Variants in DPP10 observed in about 807,000 individuals in gnomAD.
DPP10 encodes the protein dipeptidyl peptidase like 10.
In DPP10, 33 loss-of-function variants were observed where a neutral mutation model predicts 120.9. The ratio of observed to expected loss-of-function variants is 0.27; its 90% CI spans 0.21 to 0.37. DPP10 has a LOEUF of 0.37. Among genes scored for constraint, DPP10 ranks in the 10% least tolerant of loss-of-function variants. The pLI is 1.00. For synonymous variants in DPP10, 337 were observed against 326.1 expected (o/e 1.03, Z -0.36); for missense variants, 816 against 942.8 (o/e 0.87, Z 1.76).
chr2:114,870,445 T>TAA (rs66515219), intron 1 of DPP10, among the ~76,000 whole-genome samples: 13 of 149,198 alleles, frequency 8.7e-5, no homozygotes, highest in South Asian at 2.1e-4. Flanking sequence ...ATGTGTAGTG[T>TAA]AAAAAAAAAA....
chr2:114,508,031 CT>C (rs1356558159), intron 1 of DPP10, among the ~76,000 whole-genome samples: 1 of 151,970 alleles, frequency 6.6e-6, no homozygotes, highest in African/African-American at 2.4e-5. Context: ...TTCCTTTCCT[CT>C]TTCTTTCCTT....
At chr2:115,805,801 C>T (rs1488376226) in intron 19 of DPP10, among the ~76,000 whole-genome samples, 1 of 152,100 alleles carries the variant, frequency 6.6e-6, no homozygotes, top group African/African-American at 2.4e-5. Context: ...TCTCAAACTC[C>T]TGACCTCAGG....
chr2:115,237,763 A>G (rs1232378541), intron 1 of DPP10, among the ~76,000 whole-genome samples: 2 of 152,232 alleles, frequency 1.3e-5, no homozygotes, highest in South Asian at 4.1e-4. Context: ...CAGCCACAAC[A>G]TTCCCTTGAG....
At chr2:115,512,282 G>A (rs1413049545) in intron 4 of DPP10, among the ~76,000 whole-genome samples, 1 of 151,612 alleles carries the variant, frequency 6.6e-6, no homozygotes, top group Non-Finnish European at 1.5e-5. Context: ...TTAATTTTTT[G>A]TTAGATTGTG....
intron 1 of DPP10, among the ~76,000 whole-genome samples, chr2:115,275,245 G>A (rs553492487): frequency 2.0e-5 from 3 of 152,262 alleles, no homozygotes; most frequent in East Asian, 3.9e-4. Flanking sequence ...GATAAACCAT[G>A]CCATTGTCTA....
intron 5 of DPP10, among the ~76,000 whole-genome samples, chr2:115,555,103 T>G (rs2080124399): frequency 6.6e-6 from 1 of 152,152 alleles, no homozygotes; most frequent in South Asian, 2.1e-4. Context: ...TTTTCTTCTC[T>G]TACTTTGGTA....
At chr2:114,560,057 T>C (rs893758581) in intron 1 of DPP10, among the ~76,000 whole-genome samples, 8 of 152,238 alleles carry the variant, frequency 5.3e-5, no homozygotes, top group Non-Finnish European at 1.0e-4. Flanking sequence ...CTTTCAGTGC[T>C]AACTTTATTT....
intron 1 of DPP10, among the ~76,000 whole-genome samples, chr2:115,186,075 A>G (rs1197805803): frequency 1.3e-5 from 2 of 152,240 alleles, no homozygotes; most frequent in African/African-American, 2.4e-5. Flanking sequence ...TAAAAAGTCT[A>G]TTATGTTGAC....
intron 2 of DPP10, among the ~76,000 whole-genome samples, chr2:115,341,595 G>A (rs908583848): frequency 6.6e-6 from 1 of 152,262 alleles, no homozygotes; most frequent in Admixed American, 6.5e-5. Flanking sequence ...AATTCTCTAT[G>A]TTCACCTGCT....
intron 1 of DPP10, among the ~76,000 whole-genome samples, chr2:114,730,856 C>T (rs906343833): frequency 6.6e-5 from 10 of 151,760 alleles, no homozygotes; most frequent in African/African-American, 2.4e-4. Flanking sequence ...TCACAAAGTG[C>T]TGGGATTACA....
intron 1 of DPP10, among the ~76,000 whole-genome samples, chr2:114,775,415 G>A (rs779131183): frequency 1.2e-4 from 19 of 152,078 alleles, no homozygotes; most frequent in Non-Finnish European, 1.2e-4. Flanking sequence ...ATAGCTGGTG[G>A]GGGTAGACTT....
At chr2:114,945,478 AAG>A (rs1181544449) in intron 1 of DPP10, among the ~76,000 whole-genome samples, 1 of 152,170 alleles carries the variant, frequency 6.6e-6, no homozygotes, top group Admixed American at 6.5e-5. Context: ...TAAGCATATG[AAG>A]ACTCTCAACA....
intron 5 of DPP10, among the ~76,000 whole-genome samples, chr2:115,624,886 C>T (rs1299277857): frequency 6.6e-6 from 1 of 151,986 alleles, no homozygotes; most frequent in Non-Finnish European, 1.5e-5. Context: ...ATCATGATAT[C>T]ATTATGATCA....
chr2:114,553,118 T>C (rs1049346695), intron 1 of DPP10, among the ~76,000 whole-genome samples: 1 of 152,218 alleles, frequency 6.6e-6, no homozygotes, highest in African/African-American at 2.4e-5. Flanking sequence ...AGCCATTTAT[T>C]TGTTAATAGG....
chr2:114,974,417 CTT>C (rs36001857), intron 1 of DPP10, among the ~76,000 whole-genome samples: 28 of 131,520 alleles, frequency 2.1e-4, no homozygotes, highest in Admixed American at 2.4e-4. Context: ...CCTTTTTATC[CTT>C]TTTTTTTTTT....
At chr2:114,482,737 A>G (rs1272843886) in intron 1 of DPP10, among the ~76,000 whole-genome samples, 1 of 152,182 alleles carries the variant, frequency 6.6e-6, no homozygotes, top group Non-Finnish European at 1.5e-5. Context: ...GAGACTCTTC[A>G]GCTTTATTTT....
At chr2:115,605,749 C>T (rs1165293182) in intron 5 of DPP10, among the ~76,000 whole-genome samples, 1 of 151,958 alleles carries the variant, frequency 6.6e-6, no homozygotes, top group Non-Finnish European at 1.5e-5. Context: ...AAACTTCTGA[C>T]TTGCCTTTTA....
chr2:115,404,184 C>G (rs545017292), intron 3 of DPP10, among the ~76,000 whole-genome samples: 12 of 152,070 alleles, frequency 7.9e-5, no homozygotes, highest in Admixed American at 3.3e-4. Flanking sequence ...TTTGGGGAGG[C>G]CTCAGAAAAC....
At chr2:114,691,146 T>TTTTCAGGAGAAAACCA (rs1699718186) in intron 1 of DPP10, among the ~76,000 whole-genome samples, 1 of 152,136 alleles carries the variant, frequency 6.6e-6, no homozygotes, top group Non-Finnish European at 1.5e-5. Context: ...TTGTACTGGT[T>TTTTCAGGAGAAAACCA]TTTCAGGAGA....
Sources: gnomAD v4.1 joint callset for allele counts (sites outside exome capture counted in the v4.1 genomes callset) on GRCh38, gnomAD v4.1.1 for gene constraint, MANE v1.5 for transcripts, NCBI Gene and HGNC (gene_info 2026-07-23, HGNC 2026-07-21) for gene names.